The following NUP58 variants were observed in gnomAD, a reference collection of about 807,000 sequenced individuals.
The protein encoded by NUP58 is nucleoporin 58.
In NUP58, 17 loss-of-function variants were observed where a neutral mutation model predicts 70.1. The observed-to-expected ratio is 0.24, with a 90% CI of 0.17 to 0.36. The LOEUF is 0.36. Among genes scored for constraint, NUP58 ranks in the 10% least tolerant of loss-of-function variants. NUP58 has a pLI of 1.00. For missense variants in NUP58, 644 were observed against 701.5 expected, an observed-to-expected ratio of 0.92 and a Z score of 0.93; for synonymous variants, 275 against 257.6, an observed-to-expected ratio of 1.07 and a Z score of -0.65.
At chr13:25,327,982 CAA>C (rs1053928112) in intron 12 of NUP58, among the ~76,000 whole-genome samples, 1 of 152,048 alleles carries the variant, frequency 6.6e-6, no homozygotes, top group Non-Finnish European at 1.5e-5. Flanking sequence ...GGGCGAATCA[CAA>C]AGTCAGGAGT....
In NUP58 at chr13:25,331,452, G is replaced by A. The variant is rs748484716; in HGVS notation, c.1329G>A (p.Gln443=). 1.9e-6 allele frequency: 3 copies of A among 1,614,194 alleles called. No individual in the cohort carries two copies. The South Asian group carries it at 3.3e-5, about 18-fold the overall frequency. Residue 443 remains glutamine, a synonymous_variant, in exon 13 of 16, where the codon CAG becomes CAA. Coordinates refer to ENST00000381736, the MANE Select transcript of NUP58 (RefSeq NM_014089.4). ...ETRRAEAKKW[Q]NTPRVTTGPT... ...GGCGAGCAGAAGCCAAGAAGTGGCA[G>A]AACACACCCAGAGTTACTACTGGAC...
Position 25,301,899 on chromosome 13 carries a change from CT to C in NUP58, c.107+21del, listed in dbSNP as rs1235682415. ...CGTCTAGGTAACCGCACTTTCTCGC[CT>C]TCCTGGGCCGGATTCACCCCCACCC... is the stretch of plus-strand genomic sequence containing the variant. On this transcript the variant is annotated intron_variant, in intron 1 of 15. Transcript: ENST00000381736. 6.4e-7 allele frequency: 1 copy of C among 1,551,092 alleles called. No homozygotes were observed. The highest frequency in any genetic ancestry group is 8.9e-7 in the Non-Finnish European group (1 of 1,126,578).
intron 14 of NUP58, among the ~76,000 whole-genome samples, chr13:25,338,098 G>T (rs1180279302): frequency 6.6e-6 from 1 of 152,118 alleles, no homozygotes; most frequent in African/African-American, 2.4e-5. Context: ...AGTATGGCAG[G>T]AATCTACTGT....
At chr13:25,331,810 T>G (rs2031616119) in intron 13 of NUP58, 11 of 1,304,790 alleles carry the variant, frequency 8.4e-6, no homozygotes, top group Non-Finnish European at 1.1e-5. Context: ...TGTAATGCTA[T>G]AAATGCCCTT....
At chr13:25,343,871 A>C (rs772798922), downstream of NUP58, among the ~76,000 whole-genome samples, 2 of 101,616 alleles carry the variant, frequency 2.0e-5, no homozygotes, top group African/African-American at 4.0e-5. Context: ...ACACACACAC[A>C]CCCCACACCA....
intron 13 of NUP58, chr13:25,332,460 C>G: frequency 1.0e-6 from 1 of 983,646 alleles, no homozygotes; most frequent in African/African-American, 1.7e-5. Context: ...TCATAAATTT[C>G]TTAGTAATGC....
Position 25,340,887 on chromosome 13 carries a change from C to G in NUP58, c.*753C>G, listed in dbSNP as rs1201451208. On this transcript the variant is annotated 3_prime_UTR_variant, in exon 16 of 16. Transcript: ENST00000381736. The stretch of plus-strand genomic sequence containing the variant: ...GAGCCGAGATCACACCACTGCACTC[C>G]AGCCTGGGCAACAAGAGCAAAACTC... The G allele has an allele frequency of 3.3e-5, 5 of 152,204 alleles. No individual in the cohort carries two copies. The highest frequency in any genetic ancestry group is 7.3e-5 in the Non-Finnish European group (5 of 68,116). 9.4% of individuals were successfully genotyped at this position (152,204 alleles called of 1,614,324 possible).
rs2137841989 is a variant in NUP58 at position 25,340,206 on chromosome 13, A to G, written c.*72A>G. On this transcript the variant is annotated 3_prime_UTR_variant, in exon 16 of 16. Transcript: ENST00000381736. ...TATGAGTCTATTTTTCTAATGATGC[A>G]GTAATTAAATTGCATCCCAGGAGAT... is the stretch of plus-strand genomic sequence containing the variant. 7.6e-7 allele frequency: 1 copy of G among 1,311,722 alleles called. No homozygotes were observed. Among genetic ancestry groups the G allele is most frequent in the South Asian group, 2.0e-5 (1 of 49,386 alleles). The allele number at this position is 1,311,722 out of a possible 1,614,324, so 81.3% of individuals were successfully genotyped here. A position where few individuals can be genotyped will look rare whatever the true frequency, so the allele number is the denominator to read the frequency against.
intron 6 of NUP58, among the ~76,000 whole-genome samples, chr13:25,318,716 T>G (rs562911431): frequency 6.6e-6 from 1 of 152,330 alleles, no homozygotes; most frequent in South Asian, 2.1e-4. Flanking sequence ...TTCACCTACA[T>G]AACTGGCAAG....
At chr13:25,343,868 C>T (rs923017986), downstream of NUP58, among the ~76,000 whole-genome samples, 2 of 106,294 alleles carry the variant, frequency 1.9e-5, no homozygotes, top group Non-Finnish European at 3.8e-5. Context: ...CATACACACA[C>T]ACACCCCACA....
Position 25,309,388 on chromosome 13 carries a change from G to A in NUP58, c.286+106G>A, listed in dbSNP as rs959473646. On this transcript the variant is annotated intron_variant, in intron 3 of 15. Transcript: ENST00000381736. Reference sequence around the variant, plus strand: ...TCTTCTAATATTTCACAGAGCTGGAGTATAGAAAAAAGTGTGTATCACAGA... The same window carrying A: ...TCTTCTAATATTTCACAGAGCTGGAATATAGAAAAAAGTGTGTATCACAGA... The A allele has an allele frequency of 7.9e-6, 7 of 882,308 alleles. No individual in the cohort carries two copies. The East Asian group carries it at 8.1e-5, about 10-fold the overall frequency. 54.7% of individuals were successfully genotyped at this position (882,308 alleles called of 1,614,324 possible). A position where few individuals can be genotyped will look rare whatever the true frequency, so the allele number is the denominator to read the frequency against.
At position 25,301,841 on chromosome 13, in the gene NUP58, G is replaced by T; in HGVS notation, c.68G>T (p.Ser23Ile). ...GSTTVAAGGTSTGGVFSFGTG... is the reference protein window; with the variant it reads ...GSTTVAAGGTITGGVFSFGTG... The stretch of plus-strand genomic sequence containing the variant: ...ACCACCGTGGCCGCCGGCGGGACCA[G>T]CACAGGCGGCGTTTTCTCCTTCGGA... Residue 23 changes from serine to isoleucine, a missense_variant, in exon 1 of 16, where the codon AGC (serine) becomes ATC (isoleucine). Ser to Ile is a moderately radical substitution (Grantham distance 142). Around this residue, in one of 4 missense-constraint regions of NUP58, gnomAD observed 430 missense variants for 409.2 expected, o/e 1.05. Transcript: ENST00000381736. 2 of 1,613,380 alleles carry T rather than the reference G, an allele frequency of 1.2e-6. No individual in the cohort carries two copies. The highest frequency in any genetic ancestry group is 1.7e-6 in the Non-Finnish European group (2 of 1,179,782).
chr13:25,327,010 A>G lies in NUP58; in HGVS notation c.1126A>G (p.Asn376Asp). ...AGAAAACCATCTTGCCACTCAAGCA[A>G]ATAATTCACATATAACCCCTCAAGG... ...ELENHLATQA[N>D]NSHITPQDLS... The change falls in exon 11 of 16, where the codon AAT (asparagine) becomes GAT (aspartate). Residue 376 changes from asparagine (N) to aspartate (D), a missense_variant. Asn to Asp is a conservative substitution (Grantham distance 23). Coordinates refer to ENST00000381736, the MANE Select transcript of NUP58 (RefSeq NM_014089.4). 1.2e-6 allele frequency: 2 copies of G among 1,600,078 alleles called. No homozygotes were observed. The highest frequency in any genetic ancestry group is 8.5e-7 in the Non-Finnish European group (1 of 1,170,510).
chr13:25,315,091 A>G (rs1035599466), intron 5 of NUP58, among the ~76,000 whole-genome samples: 2 of 152,238 alleles, frequency 1.3e-5, no homozygotes, highest in African/African-American at 2.4e-5. Context: ...ACAAGTGAAG[A>G]TTGAGTGCCT....
intron 12 of NUP58, among the ~76,000 whole-genome samples, chr13:25,328,694 A>T (rs112606079): frequency 6.6e-6 from 1 of 152,250 alleles, no homozygotes; most frequent in East Asian, 1.9e-4. Context: ...CACTGCACCC[A>T]GCCTGAATAT....
intron 4 of NUP58, 100 bp downstream of exon 4, chr13:25,313,132 A>C: frequency 7.3e-7 from 1 of 1,368,418 alleles, no homozygotes; most frequent in Non-Finnish European, 9.9e-7. Context: ...TTATTGATTT[A>C]TAAAGAAGAA....
rs1404413853 is a variant in NUP58 at position 25,332,358 on chromosome 13, A to G, written c.1435+800A>G. ...GGTCCTGTGTCTTTCGGAGGTTAAT[A>G]GTTATCTTAATCCTGCCATCCCTTT... On this transcript the variant is annotated intron_variant, in intron 13 of 15. Transcript: ENST00000381736. 3.0e-6 allele frequency: 3 copies of G among 985,282 alleles called. No individual in the cohort carries two copies. The East Asian group carries it at 3.4e-4, about 112-fold the overall frequency. 61.0% of individuals were successfully genotyped at this position (985,282 alleles called of 1,614,324 possible). A position where few individuals can be genotyped will look rare whatever the true frequency, so the allele number is the denominator to read the frequency against.
chr13:25,331,054 G>T (rs2031584946), intron 12 of NUP58, among the ~76,000 whole-genome samples: 1 of 151,948 alleles, frequency 6.6e-6, no homozygotes, highest in South Asian at 2.1e-4. Context: ...TCTGCACATT[G>T]ATGGAGTATT....
At chr13:25,316,578 A>G (rs1043483438) in intron 6 of NUP58, among the ~76,000 whole-genome samples, 10 of 152,164 alleles carry the variant, frequency 6.6e-5, no homozygotes, top group African/African-American at 2.4e-4. Flanking sequence ...GTGAAAATTG[A>G]CAAATTTCTA....
Sources: gnomAD v4.1 joint callset for allele counts (sites outside exome capture counted in the v4.1 genomes callset) on GRCh38, gnomAD v4.1.1 for gene constraint, gnomAD v4.1.1 regional missense constraint, MANE v1.5 for transcripts, NCBI Gene and HGNC (gene_info 2026-07-23, HGNC 2026-07-21) for gene names.